ARHGEF7: variants seen among roughly 807,000 people sequenced by gnomAD.
ARHGEF7 encodes the protein PAK-interacting exchange factor beta.
ARHGEF7 carries 33 observed loss-of-function variants against 109.8 expected under a neutral mutation model. The observed-to-expected ratio is 0.30, with a 90% CI of 0.23 to 0.40. ARHGEF7 has a LOEUF of 0.40. Among genes scored for constraint, ARHGEF7 ranks in the 10% least tolerant of loss-of-function variants. The probability of loss-of-function intolerance (pLI) is 1.00; values close to 1 mark genes in which losing one functional copy is unlikely to be tolerated. For missense variants in ARHGEF7, 938 were observed against 1,098.5 expected (o/e 0.85, Z 2.07); for synonymous variants, 458 against 424.6 (o/e 1.08, Z -0.97).
At chr13:111,123,976 C>T (rs1376230237) in intron 1 of ARHGEF7, among the ~76,000 whole-genome samples, 11 of 150,508 alleles carry the variant, frequency 7.3e-5, no homozygotes, top group Non-Finnish European at 1.6e-4. Context: ...AAAGACATTT[C>T]CTTGACTTTA....
intron 5 of ARHGEF7, among the ~76,000 whole-genome samples, chr13:111,226,738 G>A (rs1034664707): frequency 6.6e-6 from 1 of 152,158 alleles, no homozygotes; most frequent in South Asian, 2.1e-4. Flanking sequence ...CATGGGTCAA[G>A]GATTAATTTA....
chr13:111,277,912 A>G (rs1275439803), intron 13 of ARHGEF7, among the ~76,000 whole-genome samples: 1 of 152,266 alleles, frequency 6.6e-6, no homozygotes, highest in Non-Finnish European at 1.5e-5. Flanking sequence ...ATAAGGACAC[A>G]GACTACTGTG....
intron 4 of ARHGEF7, among the ~76,000 whole-genome samples, chr13:111,213,503 G>A (rs1024097022): frequency 6.6e-6 from 1 of 152,248 alleles, no homozygotes; most frequent in African/African-American, 2.4e-5. Flanking sequence ...CCTCGATGGA[G>A]CTTGCGTTCC....
chr13:111,115,942 A>G (rs2066727468), intron 1 of ARHGEF7, among the ~76,000 whole-genome samples: 1 of 151,280 alleles, frequency 6.6e-6, no homozygotes, highest in Non-Finnish European at 1.5e-5. Context: ...GGTCCCCGGG[A>G]AGGAGAGTGC....
chr13:111,149,518 G>C (rs904074871), intron 1 of ARHGEF7, among the ~76,000 whole-genome samples: 29 of 152,216 alleles, frequency 1.9e-4, no homozygotes, highest in African/African-American at 5.3e-4. Context: ...ACACTGCTCT[G>C]AGGAGAAATA....
intron 19 of ARHGEF7, chr13:111,294,986 A>G (rs1595607774): frequency 2.0e-6 from 2 of 985,648 alleles, no homozygotes; most frequent in Non-Finnish European, 2.4e-6. Flanking sequence ...AAAAATCTCT[A>G]TAATTGTGCT....
intron 2 of ARHGEF7, among the ~76,000 whole-genome samples, chr13:111,159,792 A>G (rs1218315109): frequency 6.6e-6 from 1 of 152,134 alleles, no homozygotes; most frequent in African/African-American, 2.4e-5. Context: ...GTTTGCAAAT[A>G]CTTTCTTTCC....
chr13:111,247,653 G>C (rs1392405695), intron 8 of ARHGEF7, among the ~76,000 whole-genome samples: 1 of 151,942 alleles, frequency 6.6e-6, no homozygotes, highest in East Asian at 1.9e-4. Flanking sequence ...TTTCACAGCT[G>C]CCTGTTGGTT....
chr13:111,292,495 G>A lies in ARHGEF7; in HGVS notation c.2311+201G>A, dbSNP rs531714265. 414 of 1,431,480 alleles carry A rather than the reference G, an allele frequency of 2.9e-4. 2 individuals carry two copies. The highest frequency in any genetic ancestry group is 7.0e-4 in the South Asian group (46 of 65,266). 88.7% of individuals were successfully genotyped at this position (1,431,480 alleles called of 1,614,324 possible). A position where few individuals can be genotyped will look rare whatever the true frequency, so the allele number is the denominator to read the frequency against. On this transcript the variant is annotated intron_variant, in intron 19 of 21. Coordinates refer to ENST00000646102, the MANE Select transcript of ARHGEF7 (RefSeq NM_001354046.2). Reference sequence around the variant, plus strand: ...TTTGTGGAGGCTTAACTGCCGATGCGAGTATACATTCGAATGACTGACTAT... The same window carrying A: ...TTTGTGGAGGCTTAACTGCCGATGCAAGTATACATTCGAATGACTGACTAT...
intron 2 of ARHGEF7, among the ~76,000 whole-genome samples, chr13:111,173,424 C>T (rs565059868): frequency 1.1e-4 from 16 of 152,320 alleles, no homozygotes; most frequent in South Asian, 6.2e-4. Context: ...AGGAGTTTGA[C>T]CAATTCCAGG....
chr13:111,294,925 A>G lies in ARHGEF7; in HGVS notation c.2311+2631A>G, dbSNP rs2093392635. 8 of 985,828 alleles carry G rather than the reference A, an allele frequency of 8.1e-6. No individual in the cohort carries two copies. The South Asian group carries it at 1.4e-4, about 17-fold the overall frequency. The allele number at this position is 985,828 out of a possible 1,614,324, so 61.1% of individuals were successfully genotyped here. A position where few individuals can be genotyped will look rare whatever the true frequency, so the allele number is the denominator to read the frequency against. On this transcript the variant is annotated intron_variant, in intron 19 of 21. Transcript: ENST00000646102. ...ATAAGCTATATTAATTGTGTTTTGC[A>G]TAAAATTGCCAAAACACAGTAATGT...
At chr13:111,144,611 T>C (rs553080846) in intron 1 of ARHGEF7, 4 of 152,364 alleles carry the variant, frequency 2.6e-5, no homozygotes, top group African/African-American at 9.6e-5. Flanking sequence ...GTGACTACCA[T>C]GTAATTAAAA....
At chr13:111,173,390 G>A (rs896318089) in intron 2 of ARHGEF7, among the ~76,000 whole-genome samples, 1 of 152,174 alleles carries the variant, frequency 6.6e-6, no homozygotes, top group Non-Finnish European at 1.5e-5. Flanking sequence ...GTCATACTGG[G>A]GAGTCAGAAC....
At chr13:111,225,936 A>G (rs2085154574) in intron 5 of ARHGEF7, among the ~76,000 whole-genome samples, 1 of 152,240 alleles carries the variant, frequency 6.6e-6, no homozygotes, top group African/African-American at 2.4e-5. Flanking sequence ...GCTAGAAACG[A>G]TTAACCTTAG....
intron 10 of ARHGEF7, 64 bp downstream of exon 10, chr13:111,274,016 C>G (rs1447537830): frequency 6.4e-7 from 1 of 1,561,710 alleles, no homozygotes; most frequent in Admixed American, 1.8e-5. Context: ...GTCAGACTTA[C>G]TGTGAAAGAA....
intron 13 of ARHGEF7, among the ~76,000 whole-genome samples, chr13:111,279,079 C>T (rs2092644658): frequency 6.6e-6 from 1 of 152,204 alleles, no homozygotes; most frequent in Non-Finnish European, 1.5e-5. Context: ...GTGTTCTATA[C>T]ACCGATGTTC....
chr13:111,260,684 GGT>G (rs1339462729), intron 8 of ARHGEF7, among the ~76,000 whole-genome samples: 1 of 152,176 alleles, frequency 6.6e-6, no homozygotes, highest in Non-Finnish European at 1.5e-5. Context: ...AAAACTCACT[GGT>G]AATAGTACTC....
rs1473780361 is a variant in ARHGEF7 at position 111,258,753 on chromosome 13, G to A, written c.951-8795G>A. Reference sequence around the variant, plus strand: ...TAGGTATCTGCCCAGCCACAGTGAGGTGGAACATCAAGTGGGCTCTTGGGA... The same window carrying A: ...TAGGTATCTGCCCAGCCACAGTGAGATGGAACATCAAGTGGGCTCTTGGGA... On this transcript the variant is annotated intron_variant, in intron 8 of 21. Coordinates refer to ENST00000646102, the MANE Select transcript of ARHGEF7 (RefSeq NM_001354046.2). The surrounding 1 kb of genome is among the most constrained non-coding windows in gnomAD (Gnocchi z 4.4). 6.6e-6 allele frequency among the ~76,000 whole-genome samples: 1 copy of A among 152,166 alleles called. No individual in the cohort carries two copies. The highest frequency in any genetic ancestry group is 1.5e-5 in the Non-Finnish European group (1 of 68,036).
At chr13:111,224,569 CTG>C (rs1247399976) in intron 5 of ARHGEF7, among the ~76,000 whole-genome samples, 1 of 152,086 alleles carries the variant, frequency 6.6e-6, no homozygotes, top group Non-Finnish European at 1.5e-5. Context: ...TGATGACTGT[CTG>C]TGTTTGGCAG....
Sources: gnomAD v4.1 joint callset for allele counts (sites outside exome capture counted in the v4.1 genomes callset) on GRCh38, gnomAD v4.1.1 for gene constraint, Gnocchi (gnomAD v3.1) non-coding constraint, MANE v1.5 for transcripts, NCBI Gene and HGNC (gene_info 2026-07-23, HGNC 2026-07-21) for gene names.